Variants in SLC38A10 observed in about 807,000 individuals in gnomAD.
SLC38A10 encodes the protein Sodium-coupled neutral amino acid transporter 10.
Under a neutral mutation model 81.0 loss-of-function variants are expected in SLC38A10, and 53 were observed. The ratio of observed to expected loss-of-function variants is 0.65; its 90% confidence interval spans 0.53 to 0.82. The LOEUF is 0.82. Among genes scored for constraint, SLC38A10 ranks in the 40% least tolerant of loss-of-function variants. The probability of loss-of-function intolerance (pLI) is 0.00; values close to 1 mark genes in which losing one functional copy is unlikely to be tolerated. For synonymous variants in SLC38A10, 665 were observed against 655.3 expected (o/e 1.01, Z -0.23); for missense variants, 1,471 against 1,545.0 (o/e 0.95, Z 0.80).
At position 81,246,091 on chromosome 17, in the gene SLC38A10, G is replaced by A. The variant is rs370943249; in HGVS notation, c.2825C>T (p.Pro942Leu). ...TGCAGCTGCTCCTTCCGCCCCACCG[G>A]GCAGGTCCGCTGCAAGGCCCAGGTC... ...SRDLGLAADL[P>L]GGAEGAAAQP... Residue 942 changes from proline (P) to leucine (L), a missense_variant, in exon 16 of 16, where the codon CCC (proline) becomes CTC (leucine). Pro to Leu is a moderately conservative substitution (Grantham distance 98). This residue lies in a region of SLC38A10 where 751 missense variants were observed against 717.4 expected (regional missense o/e 1.05). Transcript: ENST00000374759. The A allele has an allele frequency of 1.2e-6, 2 of 1,608,442 alleles. No individual in the cohort carries two copies. The highest frequency in any genetic ancestry group is 1.7e-6 in the Non-Finnish European group (2 of 1,179,606).
chr17:81,277,958 T>G lies in SLC38A10; in HGVS notation c.627-825A>C, dbSNP rs779606371. Among the ~76,000 whole-genome samples, 1 of 147,402 alleles carries G rather than the reference T, an allele frequency of 6.8e-6. No individual in the cohort carries two copies. Among genetic ancestry groups the G allele is most frequent in the Admixed American group, 6.8e-5 (1 of 14,648 alleles). Reference sequence around the variant, plus strand: ...GAGTGGGAGTCCAGGGGGGTGCTCCTAGGGTGTCCAGGTGGCCATGGCCAT... The same window carrying G: ...GAGTGGGAGTCCAGGGGGGTGCTCCGAGGGTGTCCAGGTGGCCATGGCCAT... On this transcript the variant is annotated intron_variant, in intron 6 of 15. Coordinates refer to ENST00000374759, the MANE Select transcript of SLC38A10 (RefSeq NM_001037984.3). This position sits in a 1 kb window ranked among gnomAD's most constrained non-coding sequence, Gnocchi z 4.5.
rs2063174350 is a variant in SLC38A10 at position 81,277,690 on chromosome 17, G to A, written c.627-557C>T. 6.6e-6 allele frequency among the ~76,000 whole-genome samples: 1 copy of A among 152,198 alleles called. No individual in the cohort carries two copies. Among genetic ancestry groups the A allele is most frequent in the Non-Finnish European group, 1.5e-5 (1 of 68,036 alleles). ...AGCCTGGTGCCAGGAGTGTGGTGCT[G>A]CTAGGGGTGGGAGGGACCCAAGCCA... On this transcript the variant is annotated intron_variant, in intron 6 of 15. Transcript: ENST00000374759. This position sits in a 1 kb window ranked among gnomAD's most constrained non-coding sequence, Gnocchi z 4.5.
rs201635634 is a variant in SLC38A10 at position 81,271,035 on chromosome 17, G to C, written c.1025-11C>G. ...CCAGGATGGTCTCCACTAGGATGGA[G>C]AAGTGACAGGAAGGGATGAGTGGGG... On this transcript the variant is annotated splice_polypyrimidine_tract_variant and intron_variant, in intron 9 of 15. Coordinates refer to ENST00000374759, the MANE Select transcript of SLC38A10 (RefSeq NM_001037984.3). The C allele has an allele frequency of 5.1e-5, 82 of 1,602,564 alleles. 1 individual carries two copies. The highest frequency in any genetic ancestry group is 1.3e-4 in the Admixed American group (8 of 59,976).
intron 14 of SLC38A10, among the ~76,000 whole-genome samples, chr17:81,248,278 G>A (rs558937096): frequency 6.6e-6 from 1 of 152,308 alleles, no homozygotes; most frequent in Non-Finnish European, 1.5e-5. Flanking sequence ...TCTAAGGGGA[G>A]CATGGGAGCT....
intron 9 of SLC38A10, among the ~76,000 whole-genome samples, 188 bp from the exon 10 acceptor site, chr17:81,271,212 T>C (rs2063112878): frequency 6.6e-6 from 1 of 152,216 alleles, no homozygotes; most frequent in African/African-American, 2.4e-5. Context: ...CCTCCAACAG[T>C]GCATTTAGGC....
At chr17:81,250,728 G>C in intron 14 of SLC38A10, 2 of 699,446 alleles carry the variant, frequency 2.9e-6, no homozygotes, top group Non-Finnish European at 3.5e-6. Flanking sequence ...TCAGAGGGCG[G>C]GTGGACCCCT....
rs1168432391 is a variant in SLC38A10 at position 81,276,219 on chromosome 17, G to A, written c.730-68C>T. On this transcript the variant is annotated intron_variant, in intron 7 of 15. Transcript: ENST00000374759. This position sits in a 1 kb window ranked among gnomAD's most constrained non-coding sequence, Gnocchi z 4.7. ...TAGCCGAGTGGCACCTGTCACAGTG[G>A]GCAGGGCATGGGGGGGACCTGTGCC... The A allele has an allele frequency of 1.1e-5, 16 of 1,458,188 alleles. No individual in the cohort carries two copies. Among genetic ancestry groups the A allele is most frequent in the Non-Finnish European group, 1.4e-5 (15 of 1,079,880 alleles). The allele number at this position is 1,458,188 out of a possible 1,614,324, so 90.3% of individuals were successfully genotyped here.
intron 10 of SLC38A10, among the ~76,000 whole-genome samples, 193 bp from the exon 11 acceptor site, chr17:81,260,587 C>T (rs370870068): frequency 7.2e-5 from 11 of 152,202 alleles, no homozygotes; most frequent in African/African-American, 1.9e-4. Flanking sequence ...CCCAGGGAGA[C>T]GGGCCCACCT....
chr17:81,259,460 C>A (rs2063001613), intron 11 of SLC38A10, among the ~76,000 whole-genome samples: 1 of 152,230 alleles, frequency 6.6e-6, no homozygotes, highest in Non-Finnish European at 1.5e-5. Context: ...ACCTACCTGC[C>A]CATCCCTGCC....
At chr17:81,252,780 A>G (rs2062932154) in intron 12 of SLC38A10, 97 bp from the exon 13 acceptor site, 4 of 1,476,790 alleles carry the variant, frequency 2.7e-6, no homozygotes, top group Non-Finnish European at 3.6e-6. Flanking sequence ...CTGGCTCCCA[A>G]CAGTGTGACA....
At chr17:81,254,929 T>C (rs1057263337) in intron 11 of SLC38A10, among the ~76,000 whole-genome samples, 1 of 152,108 alleles carries the variant, frequency 6.6e-6, no homozygotes, top group Non-Finnish European at 1.5e-5. Flanking sequence ...GAAGGGAAAA[T>C]ATAGCAAAAC....
At position 81,282,318 on chromosome 17, in the gene SLC38A10, G is replaced by A. The variant is rs368162297; in HGVS notation, c.372C>T (p.Phe124=). 3.5e-5 allele frequency: 57 copies of A among 1,612,234 alleles called. 1 individual carries two copies. In the East Asian group the frequency reaches 7.1e-4, roughly 20 times the overall value. ...ACACGGCGAACAGCAGGAACATGCGGAAGGTGCCGCCCACCTGCGGGGAGC... is the reference window on the plus strand; with the variant it reads ...ACACGGCGAACAGCAGGAACATGCGAAAGGTGCCGCCCACCTGCGGGGAGC... ...RLFGFQVGGT[F]RMFLLFAVSL... is the part of the protein sequence containing the mutation. The change falls in exon 5 of 16, where the codon TTC becomes TTT. Residue 124 remains phenylalanine (F), a synonymous_variant. Coordinates refer to ENST00000374759, the MANE Select transcript of SLC38A10 (RefSeq NM_001037984.3).
chr17:81,271,431 A>G (rs2063114760), intron 9 of SLC38A10, among the ~76,000 whole-genome samples: 1 of 152,198 alleles, frequency 6.6e-6, no homozygotes, highest in Admixed American at 6.5e-5. Context: ...AGCCCCTGCC[A>G]GGAGCCCAGA....
Position 81,260,596 on chromosome 17 carries a change from C to A in SLC38A10, c.1132-202G>T, listed in dbSNP as rs958295111. 2.0e-5 allele frequency among the ~76,000 whole-genome samples: 3 copies of A among 152,344 alleles called. No individual in the cohort carries two copies. The East Asian group carries it at 5.8e-4, about 29-fold the overall frequency. On this transcript the variant is annotated intron_variant, in intron 10 of 15. Transcript: ENST00000374759. ...TCCACTCCCAGGGAGACGGGCCCAC[C>A]TGCCCGCGAAGCTCCCGACCACTGG...
In SLC38A10 at chr17:81,283,741, G is replaced by C. The variant is rs1466550105; in HGVS notation, c.264-239C>G. Among the ~76,000 whole-genome samples, 1 of 151,732 alleles carries C rather than the reference G, an allele frequency of 6.6e-6. No individual in the cohort carries two copies. The highest frequency in any genetic ancestry group is 2.0e-4 in the East Asian group (1 of 5,126). ...CCATTCTCCTGCCTCAGCCTCCCGA[G>C]TAGCTGGGAGTAGCCGAGTAGCCAC... is the stretch of plus-strand genomic sequence containing the variant. On this transcript the variant is annotated intron_variant, in intron 3 of 15. Coordinates refer to ENST00000374759, the MANE Select transcript of SLC38A10 (RefSeq NM_001037984.3). The surrounding 1 kb of genome is among the most constrained non-coding windows in gnomAD (Gnocchi z 4.7).
rs149852792 is a variant in SLC38A10 at position 81,292,957 on chromosome 17, A to G, written c.99+1866T>C. Among the ~76,000 whole-genome samples, 1,107 of 152,288 alleles carry G rather than the reference A, an allele frequency of 7.3e-3. 15 individuals carry two copies. The highest frequency in any genetic ancestry group is 0.025 in the African/African-American group (1,051 of 41,566). On this transcript the variant is annotated intron_variant, in intron 1 of 15. Coordinates refer to ENST00000374759, the MANE Select transcript of SLC38A10 (RefSeq NM_001037984.3). ...TCAGGAGTTCGAGACCAGCCTGACCAACATGGGGAAACCCTGTCTCTACTA... is the reference window on the plus strand; with the variant it reads ...TCAGGAGTTCGAGACCAGCCTGACCGACATGGGGAAACCCTGTCTCTACTA...
At chr17:81,268,193 G>A (rs1481077217) in intron 10 of SLC38A10, among the ~76,000 whole-genome samples, 2 of 151,880 alleles carry the variant, frequency 1.3e-5, no homozygotes, top group Non-Finnish European at 2.9e-5. Flanking sequence ...CTAGGAACAA[G>A]GCCAACTGAA....
At chr17:81,256,893 A>G (rs942091737) in intron 11 of SLC38A10, among the ~76,000 whole-genome samples, 9 of 152,212 alleles carry the variant, frequency 5.9e-5, no homozygotes, top group African/African-American at 2.2e-4. Flanking sequence ...GGCTGGCAAC[A>G]CAGCCAGGCC....
At chr17:81,291,109 T>C (rs2063306351) in intron 1 of SLC38A10, among the ~76,000 whole-genome samples, 1 of 152,216 alleles carries the variant, frequency 6.6e-6, no homozygotes, top group Non-Finnish European at 1.5e-5. Context: ...GTCAGTCACG[T>C]GAACCTAGCT....
Sources: allele counts gnomAD v4.1 joint callset (sites outside exome capture counted in the v4.1 genomes callset), GRCh38; gene constraint gnomAD v4.1.1; regional missense constraint gnomAD v4.1.1; non-coding constraint Gnocchi (gnomAD v3.1); transcripts MANE v1.5; gene names NCBI Gene and HGNC (gene_info 2026-07-23, HGNC 2026-07-21).